CD8B2: variants seen among roughly 807,000 people sequenced by gnomAD.
CD8B2 encodes CD8B family member 2, also known as T-cell surface glycoprotein CD8 beta-2 chain.
In CD8B2, 11 loss-of-function variants were observed where a neutral mutation model predicts 23.7. The ratio of observed to expected loss-of-function variants is 0.46; its 90% CI spans 0.29 to 0.77. The LOEUF (loss-of-function observed/expected upper bound fraction) is 0.77, where lower values mean the gene tolerates loss of function less well. CD8B2 is among the 30% of genes least tolerant of loss of function. CD8B2 has a pLI of 0.09. For synonymous variants in CD8B2, 90 were observed against 109.3 expected (o/e 0.82, Z 1.10); for missense variants, 197 against 270.5 (o/e 0.73, Z 1.91).
At chr2:106,492,547 T>C (rs978020503) in intron 2 of CD8B2, among the ~76,000 whole-genome samples, 2 of 152,202 alleles carry the variant, frequency 1.3e-5, no homozygotes, top group African/African-American at 4.8e-5. Flanking sequence ...CTGTGGCATA[T>C]TGGACAGAAG....
At chr2:106,492,853 C>T (rs927898653) in intron 2 of CD8B2, among the ~76,000 whole-genome samples, 9 of 152,182 alleles carry the variant, frequency 5.9e-5, no homozygotes, top group African/African-American at 7.2e-5. Context: ...CATCCCTTCA[C>T]GTGGGGATCC....
rs1310152464 is a variant in CD8B2 at position 106,524,454 on chromosome 2, C to T, written c.621-19538C>T. On this transcript the variant is annotated intron_variant, in intron 5 of 5. Transcript: ENST00000416057. ...GTTCAGCTGGAGAACTGCCCTCAGC[C>T]GATTCCTGAAGCACCGTCCTGAAGT... Among the ~76,000 whole-genome samples the T allele has an allele frequency of 2.0e-5, 3 of 152,108 alleles. No homozygotes were observed. The South Asian group carries it at 6.2e-4, about 32-fold the overall frequency.
chr2:106,537,767 A>G (rs1305402883), intron 5 of CD8B2, among the ~76,000 whole-genome samples: 1 of 152,210 alleles, frequency 6.6e-6, no homozygotes, highest in African/African-American at 2.4e-5. Context: ...ACCTCTAATT[A>G]GTACTGCTGG....
intron 5 of CD8B2, among the ~76,000 whole-genome samples, chr2:106,516,535 G>A (rs1679732215): frequency 6.6e-6 from 1 of 152,166 alleles, no homozygotes; most frequent in Non-Finnish European, 1.5e-5. Context: ...CACTTATTGT[G>A]AGTGATGCTG....
downstream of CD8B2, among the ~76,000 whole-genome samples, chr2:106,511,932 A>G (rs1679638806): frequency 6.6e-6 from 1 of 152,212 alleles, no homozygotes; most frequent in African/African-American, 2.4e-5. Flanking sequence ...GGCGCTGAAA[A>G]AGACACTTAC....
At chr2:106,520,818 C>T (rs958616638) in intron 5 of CD8B2, among the ~76,000 whole-genome samples, 3 of 151,788 alleles carry the variant, frequency 2.0e-5, no homozygotes, top group African/African-American at 2.4e-5. Context: ...TGCAGTGAGC[C>T]GAGATCATGC....
At chr2:106,522,975 A>G (rs9636378) in intron 5 of CD8B2, among the ~76,000 whole-genome samples, 149,627 of 152,242 alleles carry the variant, frequency 0.98, 73,594 homozygotes, top group East Asian at 1. Flanking sequence ...AAGTTCTGCT[A>G]TTGCTCTCAA....
intron 5 of CD8B2, among the ~76,000 whole-genome samples, chr2:106,539,666 G>A (rs1680142835): frequency 6.6e-6 from 1 of 152,132 alleles, no homozygotes; most frequent in Non-Finnish European, 1.5e-5. Context: ...ATTTATCATT[G>A]TCTCTACAGT....
chr2:106,499,344 T>C (rs1023380692), intron 3 of CD8B2, among the ~76,000 whole-genome samples: 1 of 151,866 alleles, frequency 6.6e-6, no homozygotes, highest in African/African-American at 2.4e-5. Flanking sequence ...ACCAGCCTGA[T>C]CAACATGGCG....
downstream of CD8B2, among the ~76,000 whole-genome samples, chr2:106,514,658 C>T (rs1248888193): frequency 1.3e-5 from 2 of 151,662 alleles, no homozygotes; most frequent in Admixed American, 6.6e-5. Flanking sequence ...AGCTATCCCA[C>T]GTTTGAGCCT....
At chr2:106,538,614 TG>T (rs1680127046) in intron 5 of CD8B2, among the ~76,000 whole-genome samples, 1 of 152,148 alleles carries the variant, frequency 6.6e-6, no homozygotes, top group Non-Finnish European at 1.5e-5. Context: ...TAGGAATTCC[TG>T]TCTGTAACAC....
intron 5 of CD8B2, among the ~76,000 whole-genome samples, chr2:106,518,202 G>A (rs1679766895): frequency 6.6e-6 from 1 of 152,070 alleles, no homozygotes; most frequent in Non-Finnish European, 1.5e-5. Flanking sequence ...TCCTTGACTT[G>A]GGCTTCTTTA....
chr2:106,500,023 AC>A (rs537041632), intron 3 of CD8B2, among the ~76,000 whole-genome samples: 2,495 of 120,422 alleles, frequency 0.021, 41 homozygotes, highest in Admixed American at 0.038. Flanking sequence ...GTGGGCTGCC[AC>A]CCATGTAGCA....
downstream of CD8B2, among the ~76,000 whole-genome samples, chr2:106,515,000 G>A (rs1679705502): frequency 6.6e-6 from 1 of 152,256 alleles, no homozygotes; most frequent in South Asian, 2.1e-4. Context: ...TGTTGCTGAT[G>A]CTGGAATAAT....
chr2:106,539,457 G>T (rs1304055989), intron 5 of CD8B2, among the ~76,000 whole-genome samples: 1 of 152,192 alleles, frequency 6.6e-6, no homozygotes, highest in African/African-American at 2.4e-5. Flanking sequence ...AACATGGAAA[G>T]TTGATGTACT....
chr2:106,499,201 A>T lies in CD8B2; in HGVS notation c.493+2939A>T, dbSNP rs114451275. On this transcript the variant is annotated intron_variant, in intron 3 of 5. Transcript: ENST00000643224. ...AGGAAGGAGCCCTGCCGCCCTGTAC[A>T]TCCCTGCGACCTGCACCCACCTCCA... 4.9e-3 allele frequency among the ~76,000 whole-genome samples: 750 copies of T among 152,146 alleles called. 4 individuals are homozygous for T. Among genetic ancestry groups the T allele is most frequent in the African/African-American group, 0.017 (712 of 41,514 alleles).
rs1679587517 is a variant in CD8B2, at chr2:106,509,782, T to C, written c.*2842T>C. On this transcript the variant is annotated 3_prime_UTR_variant, in exon 6 of 6. Transcript: ENST00000643224. ...TCTATAGGGCCATTATGATGAAATA[T>C]GCCCCCCAAACTCCATCCAGCTATC... is the stretch of plus-strand genomic sequence containing the variant. The C allele has an allele frequency of 6.6e-6, 1 of 152,234 alleles. No individual in the cohort carries two copies. Among genetic ancestry groups the C allele is most frequent in the African/African-American group, 2.4e-5 (1 of 41,458 alleles). 9.4% of individuals were successfully genotyped at this position (152,234 alleles called of 1,614,324 possible).
In CD8B2 at chr2:106,491,091, G is replaced by A. The variant is rs1679187301; in HGVS notation, c.261G>A (p.Gln87=). The change falls in exon 2 of 6, where the codon CAG becomes CAA. Residue 87 remains glutamine (Q), a synonymous_variant. Coordinates refer to ENST00000643224, the MANE Select transcript of CD8B2 (RefSeq NM_001349727.2). ...KGTIHGEEVE[Q]EKIAVFRDAS... is the part of the protein sequence containing the mutation. The stretch of plus-strand genomic sequence containing the variant: ...CTATCCACGGTGAAGAGGTGGAACA[G>A]GAGAAGATAGCTGTGTTTCGGGATG... 1.9e-5 allele frequency: 31 copies of A among 1,613,940 alleles called. No homozygotes were observed. The highest frequency in any genetic ancestry group is 2.3e-5 in the Non-Finnish European group (27 of 1,179,804).
chr2:106,497,219 G>A (rs1258924232), intron 3 of CD8B2, among the ~76,000 whole-genome samples: 1 of 152,216 alleles, frequency 6.6e-6, no homozygotes, highest in Non-Finnish European at 1.5e-5. Flanking sequence ...ATTGAAGTGA[G>A]CTGAGATCCT....
Sources: gnomAD v4.1 joint callset for allele counts (sites outside exome capture counted in the v4.1 genomes callset) on GRCh38, gnomAD v4.1.1 for gene constraint, MANE v1.5 for transcripts, NCBI Gene and HGNC (gene_info 2026-07-23, HGNC 2026-07-21) for gene names.